The following THSD7B variants were observed in gnomAD, a reference collection of about 807,000 sequenced individuals.
The protein encoded by THSD7B is thrombospondin type-1 domain-containing protein 7B.
Under a neutral mutation model 213.6 loss-of-function variants are expected in THSD7B, and 138 were observed. The observed-to-expected ratio is 0.65, with a 90% CI of 0.56 to 0.74. The LOEUF (loss-of-function observed/expected upper bound fraction) is 0.74. Among genes scored for constraint, THSD7B ranks in the 30% least tolerant of loss-of-function variants. The pLI, the probability that THSD7B is intolerant of heterozygous loss-of-function variation, is 0.00. For missense variants in THSD7B, 1,931 were observed against 1,991.5 expected (o/e 0.97, Z 0.58); for synonymous variants, 742 against 687.0 (o/e 1.08, Z -1.25).
intron 15 of THSD7B, among the ~76,000 whole-genome samples, chr2:137,457,272 T>TA (rs67886143): frequency 6.7e-6 from 1 of 148,298 alleles, no homozygotes; most frequent in Non-Finnish European, 1.5e-5. Context: ...TTTTACTATA[T>TA]TTTTTCATAC....
At chr2:136,956,985 G>T (rs980508380) in intron 2 of THSD7B, among the ~76,000 whole-genome samples, 2 of 152,036 alleles carry the variant, frequency 1.3e-5, no homozygotes, top group African/African-American at 4.8e-5. Flanking sequence ...GCCCCCATAA[G>T]AATTTTATTA....
At chr2:136,853,965 CAT>C (rs919792187) in intron 1 of THSD7B, among the ~76,000 whole-genome samples, 1 of 152,166 alleles carries the variant, frequency 6.6e-6, no homozygotes, top group Admixed American at 6.5e-5. Flanking sequence ...GTTCTTTTAA[CAT>C]ATCTCCATCC....
chr2:137,588,128 C>G (rs189930847), intron 17 of THSD7B, among the ~76,000 whole-genome samples: 1 of 152,176 alleles, frequency 6.6e-6, no homozygotes, highest in Non-Finnish European at 1.5e-5. Flanking sequence ...TGGGACCCTC[C>G]GAGCCAGGCA....
At chr2:137,110,278 A>T (rs545233257) in intron 4 of THSD7B, among the ~76,000 whole-genome samples, 1 of 152,224 alleles carries the variant, frequency 6.6e-6, no homozygotes, top group East Asian at 1.9e-4. Context: ...TGGCTCAACA[A>T]TTACTTGTTG....
chr2:137,647,124 C>T (rs1322485039), intron 21 of THSD7B, among the ~76,000 whole-genome samples: 1 of 152,172 alleles, frequency 6.6e-6, no homozygotes, highest in Non-Finnish European at 1.5e-5. Flanking sequence ...GCCCAGGGAT[C>T]ACTTGCTCCA....
chr2:136,933,154 TCC>T (rs1684662449), intron 2 of THSD7B, among the ~76,000 whole-genome samples: 2 of 150,652 alleles, frequency 1.3e-5, no homozygotes, highest in African/African-American at 4.9e-5. Flanking sequence ...CTTCCTTCCT[TCC>T]TTCCTTCCTT....
At chr2:137,294,489 A>C (rs146178269) in intron 12 of THSD7B, among the ~76,000 whole-genome samples, 8,802 of 151,220 alleles carry the variant, frequency 0.058, 397 homozygotes, top group Middle Eastern at 0.1. Context: ...AGGCTGAGGC[A>C]GAAGAATCAC....
chr2:136,912,076 G>A (rs750568552), intron 2 of THSD7B, among the ~76,000 whole-genome samples: 5 of 152,068 alleles, frequency 3.3e-5, no homozygotes, highest in Non-Finnish European at 7.4e-5. Flanking sequence ...ACTTTGGGAG[G>A]CCAAGGTGGG....
intron 2 of THSD7B, among the ~76,000 whole-genome samples, chr2:136,888,946 T>G (rs4496374): frequency 0.069 from 1,832 of 26,678 alleles, 35 homozygotes; most frequent in African/African-American, 0.12. Context: ...TCTTTTGGGG[T>G]GTGTGTGTGT....
At chr2:137,510,961 G>A (rs1679949659) in intron 15 of THSD7B, among the ~76,000 whole-genome samples, 1 of 152,140 alleles carries the variant, frequency 6.6e-6, no homozygotes. Flanking sequence ...CTATACCTCA[G>A]TATTTGTCAC....
chr2:137,165,667 T>C (rs916063033), intron 6 of THSD7B, among the ~76,000 whole-genome samples: 1 of 152,104 alleles, frequency 6.6e-6, no homozygotes, highest in Non-Finnish European at 1.5e-5. Context: ...AGTGTTTAGC[T>C]TCACATCTGA....
chr2:136,872,613 CTTCT>C (rs928548217), intron 1 of THSD7B, among the ~76,000 whole-genome samples: 3 of 127,876 alleles, frequency 2.3e-5, no homozygotes, highest in African/African-American at 8.8e-5. Context: ...CTTTTTCTTT[CTTCT>C]TTCTCTTTCT....
intron 14 of THSD7B, among the ~76,000 whole-genome samples, chr2:137,423,589 CTTA>C (rs961472149): frequency 6.6e-6 from 1 of 152,078 alleles, no homozygotes; most frequent in African/African-American, 2.4e-5. Flanking sequence ...ACGAAAGAAA[CTTA>C]TTATACTCTG....
At chr2:137,371,374 G>A (rs967603134) in intron 12 of THSD7B, among the ~76,000 whole-genome samples, 1 of 152,116 alleles carries the variant, frequency 6.6e-6, no homozygotes, top group Non-Finnish European at 1.5e-5. Context: ...TTCTAAGTCG[G>A]ACACAGTTTT....
chr2:136,970,852 G>A (rs1470291086), intron 2 of THSD7B, among the ~76,000 whole-genome samples: 1 of 152,122 alleles, frequency 6.6e-6, no homozygotes, highest in Non-Finnish European at 1.5e-5. Flanking sequence ...GAATAAAGAT[G>A]GCATTGGATT....
At chr2:136,803,721 CGCTGAAGAACATGGAAA>C (rs1243166414) in intron 1 of THSD7B, among the ~76,000 whole-genome samples, 1 of 152,128 alleles carries the variant, frequency 6.6e-6, no homozygotes, top group Non-Finnish European at 1.5e-5. Flanking sequence ...GCCATCTTCA[CGCTGAAGAACATGGAAA>C]GCCAATGGTG....
At chr2:137,401,339 C>T (rs1686355242) in intron 12 of THSD7B, among the ~76,000 whole-genome samples, 1 of 152,140 alleles carries the variant, frequency 6.6e-6, no homozygotes, top group South Asian at 2.1e-4. Context: ...GTGTGCTTTG[C>T]TGATTTTCCA....
intron 5 of THSD7B, among the ~76,000 whole-genome samples, chr2:137,135,609 A>G (rs1679429514): frequency 6.6e-6 from 1 of 152,154 alleles, no homozygotes; most frequent in Non-Finnish European, 1.5e-5. Flanking sequence ...GTGCAAGTCT[A>G]GCTCAGCTCT....
chr2:137,668,611 G>A (rs1428657846), intron 27 of THSD7B, among the ~76,000 whole-genome samples: 2 of 152,056 alleles, frequency 1.3e-5, no homozygotes, highest in Non-Finnish European at 2.9e-5. Flanking sequence ...GAGGACTGGG[G>A]TGCCTACTCC....
Sources: gnomAD v4.1 joint callset for allele counts (sites outside exome capture counted in the v4.1 genomes callset) on GRCh38, gnomAD v4.1.1 for gene constraint, MANE v1.5 for transcripts, NCBI Gene and HGNC (gene_info 2026-07-23, HGNC 2026-07-21) for gene names.